CTNND1: variants seen among roughly 807,000 people sequenced by gnomAD.
The protein encoded by CTNND1 is catenin delta 1, also known as catenin delta-1.
In CTNND1, 16 loss-of-function variants were observed where a neutral mutation model predicts 112.1. The ratio of observed to expected loss-of-function variants is 0.14; its 90% CI spans 0.10 to 0.22. The LOEUF (loss-of-function observed/expected upper bound fraction) is 0.22, where lower values mean the gene tolerates loss of function less well. Among genes scored for constraint, CTNND1 ranks in the 10% least tolerant of loss-of-function variants. The pLI, the probability that CTNND1 is intolerant of heterozygous loss-of-function variation, is 1.00. For missense variants in CTNND1, 1,008 were observed against 1,257.0 expected (o/e 0.80, Z 3.00); for synonymous variants, 420 against 446.5 (o/e 0.94, Z 0.75).
chr11:57,806,981 G>A lies in CTNND1; in HGVS notation c.1961G>A (p.Arg654Gln), dbSNP rs2062751295. ...TTCCCTAAAAGAACGAGTCCAGCTC[G>A]AGGTAAGTTATCTTCTCAGTCTCCA... ...VDFPKRTSPA[R>Q]GYELLFQPEV... is the part of the protein sequence containing the mutation. The change falls in exon 12 of 21, where the codon CGA becomes CAA. Residue 654 changes from arginine to glutamine, a missense_variant and splice_region_variant. Transcript: ENST00000399050. The A allele has an allele frequency of 6.3e-7, 1 of 1,594,442 alleles. No individual in the cohort carries two copies. The highest frequency in any genetic ancestry group is 1.1e-5 in the South Asian group (1 of 87,604).
Position 57,815,434 on chromosome 11 carries a change from T to C in CTNND1, c.2742T>C (p.Asn914=), listed in dbSNP as rs1467950134. ...YSTPNERGDH[N]RTLDRSGDLG... Reference sequence around the variant, plus strand: ...CACCAAATGAGAGAGGAGACCACAATAGAACACTGGATCGATCGGGGGATC... The same window carrying C: ...CACCAAATGAGAGAGGAGACCACAACAGAACACTGGATCGATCGGGGGATC... Residue 914 remains asparagine, a synonymous_variant, in exon 19 of 21, where the codon AAT becomes AAC. Coordinates refer to ENST00000399050, the MANE Select transcript of CTNND1 (RefSeq NM_001085458.2). The C allele has an allele frequency of 3.1e-6, 5 of 1,611,616 alleles. No individual in the cohort carries two copies. The highest frequency in any genetic ancestry group is 4.2e-6 in the Non-Finnish European group (5 of 1,178,962).
intron 11 of CTNND1, 136 bp downstream of exon 11, chr11:57,806,614 G>A (rs1176744922): frequency 2.5e-6 from 2 of 807,968 alleles, no homozygotes; most frequent in Non-Finnish European, 2.0e-6. Context: ...ACTGAAACAA[G>A]TTTAGCTCTT....
Position 57,791,530 on chromosome 11 carries a change from G to A in CTNND1, c.52G>A (p.Glu18Lys), listed in dbSNP as rs749249615. 1 of 1,605,518 alleles carries A rather than the reference G, an allele frequency of 6.2e-7. No homozygotes were observed. Among genetic ancestry groups the A allele is most frequent in the South Asian group, 1.1e-5 (1 of 89,612 alleles). The change falls in exon 3 of 21, where the codon GAA becomes AAA. Residue 18 changes from glutamate (E) to lysine (K), a missense_variant. By Grantham distance (56) the Glu-to-Lys change is moderately conservative (BLOSUM62 1). Around this residue, in one of 5 missense-constraint regions of CTNND1, gnomAD observed 404 missense variants for 457.9 expected, o/e 0.88. Coordinates refer to ENST00000399050, the MANE Select transcript of CTNND1 (RefSeq NM_001085458.2). ...CGCCAGCATCTTGGCCTCTGTGAAG[G>A]AACAAGAGGCCCAGTTTGAGAAGCT... ...STASILASVK[E>K]QEAQFEKLTR...
intron 9 of CTNND1, 111 bp from the exon 10 acceptor site, chr11:57,805,771 G>T: frequency 8.1e-7 from 1 of 1,229,584 alleles, no homozygotes. Flanking sequence ...TTATGGATTG[G>T]GTTATGCATT....
intron 1 of CTNND1, among the ~76,000 whole-genome samples, chr11:57,768,989 T>G (rs1425945613): frequency 6.6e-6 from 1 of 152,096 alleles, no homozygotes; most frequent in African/African-American, 2.4e-5. Flanking sequence ...TGAATAATTT[T>G]TTTTTTTTAC....
chr11:57,797,139 G>A (rs1286924632), intron 6 of CTNND1, 147 bp downstream of exon 6: 1 of 504,906 alleles, frequency 2.0e-6, no homozygotes, highest in Non-Finnish European at 3.2e-6. Context: ...AAGCTACCCT[G>A]TTTTTCCCTT....
intron 1 of CTNND1, among the ~76,000 whole-genome samples, chr11:57,771,137 T>G (rs1952476756): frequency 1.3e-5 from 2 of 148,400 alleles, no homozygotes; most frequent in Non-Finnish European, 3.0e-5. Flanking sequence ...AAGAAAGTTG[T>G]TTTTTTTTTC....
intron 1 of CTNND1, among the ~76,000 whole-genome samples, chr11:57,779,087 A>C (rs1418153351): frequency 1.3e-5 from 2 of 152,202 alleles, no homozygotes; most frequent in Non-Finnish European, 2.9e-5. Context: ...TTCTAGAAGG[A>C]AATAAATGTT....
intron 3 of CTNND1, among the ~76,000 whole-genome samples, chr11:57,792,941 G>A (rs529263442): frequency 6.6e-6 from 1 of 151,978 alleles, no homozygotes; most frequent in African/African-American, 2.4e-5. Context: ...GAGGGAGGCA[G>A]CATGCTTGCA....
intron 9 of CTNND1, 53 bp downstream of exon 9, chr11:57,804,833 TGAAGTATCTGTAGGTCAGA>T: frequency 1.5e-6 from 2 of 1,317,310 alleles, no homozygotes; most frequent in Non-Finnish European, 1.1e-6. Flanking sequence ...ACCACAACTA[TGAAGTATCTGTAGGTCAGA>T]GACCTATCAT....
chr11:57,815,092 T>C (rs534122699), intron 18 of CTNND1, among the ~76,000 whole-genome samples: 1 of 152,228 alleles, frequency 6.6e-6, no homozygotes, highest in South Asian at 2.1e-4. Context: ...CACACCTGGC[T>C]TATTCTTATA....
chr11:57,805,159 A>C (rs1316401171), intron 9 of CTNND1, among the ~76,000 whole-genome samples: 9 of 152,228 alleles, frequency 5.9e-5, no homozygotes, highest in Non-Finnish European at 1.2e-4. Context: ...TCAGCCTCCC[A>C]AAGCATTGGG....
intron 1 of CTNND1, among the ~76,000 whole-genome samples, chr11:57,766,854 G>A (rs1951191395): frequency 6.6e-6 from 1 of 152,126 alleles, no homozygotes; most frequent in African/African-American, 2.4e-5. Context: ...CAGGGATCGT[G>A]TTCCCTGTTT....
rs981037462 is a variant in CTNND1 at position 57,791,554 on chromosome 11, C to T, written c.76C>T (p.Leu26=). The change falls in exon 3 of 21, where the codon CTG becomes TTG. Residue 26 remains leucine, a synonymous_variant. Transcript: ENST00000399050. ...VKEQEAQFEK[L]TRALEEERRH... ...GGAACAAGAGGCCCAGTTTGAGAAG[C>T]TGACCCGGGCGCTGGAGGAGGAACG... is the stretch of plus-strand genomic sequence containing the variant. 3 of 1,610,224 alleles carry T rather than the reference C, an allele frequency of 1.9e-6. No individual in the cohort carries two copies. The highest frequency in any genetic ancestry group is 2.7e-5 in the African/African-American group (2 of 74,734).
At position 57,795,562 on chromosome 11, in the gene CTNND1, C is replaced by T; in HGVS notation, c.268-15C>T. 1 of 1,602,476 alleles carries T rather than the reference C, an allele frequency of 6.2e-7. No homozygotes were observed. The highest frequency in any genetic ancestry group is 1.3e-5 in the African/African-American group (1 of 74,502). Reference sequence around the variant, plus strand: ...ACTTAATAGTAGTTTCTTCTCTTTTCTCTTTTGCATATAGGATCACAGTCA... The same window carrying T: ...ACTTAATAGTAGTTTCTTCTCTTTTTTCTTTTGCATATAGGATCACAGTCA... On this transcript the variant is annotated splice_polypyrimidine_tract_variant and intron_variant, in intron 4 of 20. Transcript: ENST00000399050.
At chr11:57,785,896 T>C (rs1165027135) in intron 1 of CTNND1, among the ~76,000 whole-genome samples, 1 of 152,018 alleles carries the variant, frequency 6.6e-6, no homozygotes, top group Non-Finnish European at 1.5e-5. Flanking sequence ...TAGCACTGTC[T>C]AGTTGTTTGG....
In CTNND1 at chr11:57,796,968, C is replaced by CGA; in HGVS notation, c.932_933insGA (p.Ser312ThrfsTer14). 1 of 1,489,038 alleles carries CGA rather than the reference C, an allele frequency of 6.7e-7. No individual in the cohort carries two copies. The allele number at this position is 1,489,038 out of a possible 1,614,324, so 92.2% of individuals were successfully genotyped here. On this transcript the variant is annotated frameshift_variant, in exon 6 of 21. Transcript: ENST00000399050. LOFTEE classifies it high-confidence loss of function. ...GGCACTGCCCGTCGGACTGGGACAC[C>CGA]CTCTGACCCTCGTCGGCGCCTCAGG...
At chr11:57,780,516 C>T (rs1044115430) in intron 1 of CTNND1, among the ~76,000 whole-genome samples, 3 of 152,142 alleles carry the variant, frequency 2.0e-5, no homozygotes, top group African/African-American at 7.2e-5. Context: ...AGGTAGTATA[C>T]TTATTTATAA....
chr11:57,774,997 G>A (rs1953786216), intron 1 of CTNND1, among the ~76,000 whole-genome samples: 1 of 150,356 alleles, frequency 6.7e-6, no homozygotes, highest in Non-Finnish European at 1.5e-5. Flanking sequence ...ACAGGTGTGA[G>A]CCACCATGCC....
Sources: allele counts gnomAD v4.1 joint callset (sites outside exome capture counted in the v4.1 genomes callset), GRCh38; gene constraint gnomAD v4.1.1; regional missense constraint gnomAD v4.1.1; transcripts MANE v1.5; gene names NCBI Gene and HGNC (gene_info 2026-07-23, HGNC 2026-07-21).